The following CDC14B variants were observed in gnomAD, a reference collection of about 807,000 sequenced individuals.
CDC14B encodes dual specificity protein phosphatase CDC14B.
CDC14B carries 22 observed loss-of-function variants against 64.2 expected under a neutral mutation model. That is an observed-to-expected ratio of 0.34 (90% CI 0.24 to 0.49). The LOEUF is 0.49. CDC14B is among the 20% of genes least tolerant of loss of function. The pLI, the probability that CDC14B is intolerant of heterozygous loss-of-function variation, is 0.99. For synonymous variants in CDC14B, 191 were observed against 215.8 expected (o/e 0.89, Z 1.01); for missense variants, 498 against 629.9 (o/e 0.79, Z 2.24).
intron 13 of CDC14B, among the ~76,000 whole-genome samples, chr9:96,504,835 G>A (rs1374753914): frequency 6.6e-6 from 1 of 152,130 alleles, no homozygotes; most frequent in African/African-American, 2.4e-5. Flanking sequence ...CCTAGATGCA[G>A]CTGCTCCCAA....
rs2119129449 is a variant in CDC14B at position 96,619,245 on chromosome 9, T to C, written c.134A>G (p.Gln45Arg). 2 of 1,356,806 alleles carry C rather than the reference T, an allele frequency of 1.5e-6. No individual in the cohort carries two copies. Among genetic ancestry groups the C allele is most frequent in the Non-Finnish European group, 1.9e-6 (2 of 1,048,898 alleles). 84.0% of individuals were successfully genotyped at this position (1,356,806 alleles called of 1,614,324 possible). Residue 45 changes from glutamine to arginine, a missense_variant, in exon 1 of 14, where the codon CAG becomes CGG. By Grantham distance (43) the Gln-to-Arg change is conservative. Transcript: ENST00000375241. The part of the protein sequence containing the change: ...TQQDPRRRDP[Q>R]DDVYLDITDR... ...GGTGATGTCCAGGTACACGTCGTCC[T>C]GGGGGTCCCGGCGGCGCGGGTCTTG...
chr9:96,598,175 G>C (rs1408292314), intron 1 of CDC14B, among the ~76,000 whole-genome samples: 1 of 152,162 alleles, frequency 6.6e-6, no homozygotes, highest in Non-Finnish European at 1.5e-5. Flanking sequence ...CAGCCCAATA[G>C]AAAAATGTGC....
chr9:96,604,439 G>A (rs1846733102), intron 1 of CDC14B, among the ~76,000 whole-genome samples: 1 of 150,728 alleles, frequency 6.6e-6, no homozygotes, highest in Non-Finnish European at 1.5e-5. Context: ...GGAGTGCAAT[G>A]GTGCCATCTT....
At chr9:96,552,857 A>G (rs1026402040) in intron 4 of CDC14B, among the ~76,000 whole-genome samples, 1 of 152,138 alleles carries the variant, frequency 6.6e-6, no homozygotes, top group Non-Finnish European at 1.5e-5. Context: ...TGGCACATAT[A>G]TTATCACTAA....
intron 5 of CDC14B, 31 bp downstream of exon 5, chr9:96,551,765 C>G: frequency 6.3e-7 from 1 of 1,597,352 alleles, no homozygotes; most frequent in Admixed American, 1.8e-5. Flanking sequence ...GATCTGATTA[C>G]CTGAATCTAC....
At chr9:96,584,509 TA>T (rs141907162) in intron 1 of CDC14B, among the ~76,000 whole-genome samples, 9,043 of 152,248 alleles carry the variant, frequency 0.059, 903 homozygotes, top group African/African-American at 0.2. Context: ...TTTCAGCAGA[TA>T]AGATATTCTT....
intron 4 of CDC14B, among the ~76,000 whole-genome samples, chr9:96,557,678 TATC>T (rs1842666962): frequency 6.6e-6 from 1 of 152,362 alleles, no homozygotes; most frequent in East Asian, 1.9e-4. Context: ...ATTTAATTAG[TATC>T]ATCATTTTCA....
intron 1 of CDC14B, among the ~76,000 whole-genome samples, chr9:96,603,087 G>C (rs561972160): frequency 6.6e-5 from 10 of 150,972 alleles, no homozygotes; most frequent in Admixed American, 3.3e-4. Flanking sequence ...AGTAACCTAA[G>C]AGCAGTGAAA....
chr9:96,567,140 GGCTCCTCCAGTGCCCAAAC>G (rs1447641524), intron 1 of CDC14B: 1 of 474,990 alleles, frequency 2.1e-6, no homozygotes, highest in Non-Finnish European at 3.7e-6. Context: ...TGCCAACCAG[GGCTCCTCCAGTGCCCAAAC>G]GCTCCGCAGA....
downstream of CDC14B, among the ~76,000 whole-genome samples, chr9:96,496,890 G>A (rs1453253698): frequency 1.3e-5 from 2 of 152,384 alleles, no homozygotes; most frequent in East Asian, 3.9e-4. Flanking sequence ...TTCCCAGCTG[G>A]GGGCAGCAAC....
intron 11 of CDC14B, 22 bp downstream of exon 11, chr9:96,523,239 G>C: frequency 1.2e-6 from 2 of 1,612,424 alleles, no homozygotes; most frequent in Non-Finnish European, 1.7e-6. Context: ...TAACAACATC[G>C]CAACAGAAAC....
chr9:96,562,447 T>C (rs542022221), intron 4 of CDC14B: 278 of 425,066 alleles, frequency 6.5e-4, no homozygotes, highest in Non-Finnish European at 9.7e-4. Context: ...TAAAAAAATA[T>C]AGGCTTTTTT....
chr9:96,541,165 C>T (rs897806942), intron 6 of CDC14B, among the ~76,000 whole-genome samples: 2 of 152,210 alleles, frequency 1.3e-5, no homozygotes, highest in African/African-American at 4.8e-5. Flanking sequence ...GCTGTCCTGA[C>T]ATTAATACCA....
chr9:96,565,142 A>G (rs1843730654), intron 2 of CDC14B, among the ~76,000 whole-genome samples: 1 of 152,168 alleles, frequency 6.6e-6, no homozygotes, highest in Admixed American at 6.5e-5. Context: ...GCAAAACCAC[A>G]ATATCTTACT....
At chr9:96,511,711 G>C (rs1834930761) in intron 12 of CDC14B, among the ~76,000 whole-genome samples, 1 of 152,212 alleles carries the variant, frequency 6.6e-6, no homozygotes, top group African/African-American at 2.4e-5. Flanking sequence ...GTCTCACAGA[G>C]GGACATGAAT....
chr9:96,497,980 G>T (rs997539922), downstream of CDC14B, among the ~76,000 whole-genome samples: 2 of 152,154 alleles, frequency 1.3e-5, no homozygotes, highest in South Asian at 2.1e-4. Flanking sequence ...ACAAATTTTT[G>T]ACCCAGAAAC....
downstream of CDC14B, among the ~76,000 whole-genome samples, chr9:96,499,306 C>T (rs780831310): frequency 1.3e-5 from 2 of 152,200 alleles, no homozygotes; most frequent in Non-Finnish European, 2.9e-5. Context: ...GGGTAGAACT[C>T]GACAGAACAC....
rs58120277 is a variant in CDC14B at position 96,610,649 on chromosome 9, C to CAA, written c.160+8568_160+8569dup. Among the ~76,000 whole-genome samples, 251 of 131,694 alleles carry CAA rather than the reference C, an allele frequency of 1.9e-3. 3 individuals carry two copies. The highest frequency in any genetic ancestry group is 5.9e-3 in the African/African-American group (225 of 37,874). 86.4% of individuals were successfully genotyped at this position (131,694 alleles called of 152,430 possible). Reference sequence around the variant, plus strand: ...ATGTCTAGAAAGAACTAAATGACCACAAAAAAAAAAAAACAGGAGTAGCTG... The same window carrying CAA: ...ATGTCTAGAAAGAACTAAATGACCACAAAAAAAAAAAAAAACAGGAGTAGCTG... On this transcript the variant is annotated intron_variant, in intron 1 of 13. Transcript: ENST00000375241.
intron 1 of CDC14B, 83 bp downstream of exon 1, chr9:96,619,136 G>A: frequency 8.8e-7 from 1 of 1,138,104 alleles, no homozygotes; most frequent in African/African-American, 1.6e-5. Context: ...CGGAGGCCCC[G>A]GGCAGCCCGG....
Sources: gnomAD v4.1 joint callset for allele counts (sites outside exome capture counted in the v4.1 genomes callset) on GRCh38, gnomAD v4.1.1 for gene constraint, MANE v1.5 for transcripts, NCBI Gene and HGNC (gene_info 2026-07-23, HGNC 2026-07-21) for gene names.